The following SLC6A20 variants were observed in gnomAD, a reference collection of about 807,000 sequenced individuals.
SLC6A20 encodes solute carrier family 6 member 20.
SLC6A20 carries 73 observed loss-of-function variants against 64.3 expected under a neutral mutation model. The ratio of observed to expected loss-of-function variants is 1.14; its 90% confidence interval spans 0.94 to 1.38. The LOEUF is 1.38. SLC6A20 is among the 40% of genes most tolerant of loss of function. The pLI, the probability that SLC6A20 is intolerant of heterozygous loss-of-function variation, is 0.00. For synonymous variants in SLC6A20, 347 were observed against 329.6 expected (o/e 1.05, Z -0.57); for missense variants, 725 against 772.8 (o/e 0.94, Z 0.73).
At position 45,759,143 on chromosome 3, in the gene SLC6A20, G is replaced by C. The variant is rs747393844; in HGVS notation, c.1630-16C>G. On this transcript the variant is annotated splice_polypyrimidine_tract_variant and intron_variant, in intron 10 of 10. Coordinates refer to ENST00000358525, the MANE Select transcript of SLC6A20 (RefSeq NM_020208.4). Reference sequence around the variant, plus strand: ...CGAGCTGGCCCTGAAAGGAGAGACTGAGTGTCAGCAGAGAGCACCTGCTGA... The same window carrying C: ...CGAGCTGGCCCTGAAAGGAGAGACTCAGTGTCAGCAGAGAGCACCTGCTGA... The C allele has an allele frequency of 6.2e-7, 1 of 1,602,534 alleles. No individual in the cohort carries two copies. The highest frequency in any genetic ancestry group is 1.4e-5 in the African/African-American group (1 of 73,654).
Position 45,770,373 on chromosome 3 carries a change from T to C in SLC6A20, c.936-2A>G. 1 of 1,613,740 alleles carries C rather than the reference T, an allele frequency of 6.2e-7. No homozygotes were observed. Among genetic ancestry groups the C allele is most frequent in the Non-Finnish European group, 8.5e-7 (1 of 1,180,006 alleles). On this transcript the variant is annotated splice_acceptor_variant, in intron 6 of 10. Coordinates refer to ENST00000358525, the MANE Select transcript of SLC6A20 (RefSeq NM_020208.4). LOFTEE classifies it high-confidence loss of function. ...GTGTTGGTCAGCAGCAGACTCACCC[T>C]GCAGAGCAGACCATCGGATCGACCT...
At chr3:45,772,760 C>T (rs925254978) in intron 4 of SLC6A20, 145 bp from the exon 5 acceptor site, 6 of 684,872 alleles carry the variant, frequency 8.8e-6, no homozygotes, top group Non-Finnish European at 1.5e-5. Context: ...GATTCTTGGT[C>T]ACACACAGGC....
Position 45,758,736 on chromosome 3 carries a change from C to G in SLC6A20, c.*242G>C. 7.8e-7 allele frequency: 1 copy of G among 1,281,690 alleles called. No homozygotes were observed. The highest frequency in any genetic ancestry group is 2.5e-5 in the South Asian group (1 of 39,464). The allele number at this position is 1,281,690 out of a possible 1,614,324, so 79.4% of individuals were successfully genotyped here. ...TGAAGGATGCAGTTATCTTTGAGAC[C>G]GGCTTTCATAGCCCACCCCCTTCCA... On this transcript the variant is annotated 3_prime_UTR_variant, in exon 11 of 11. Transcript: ENST00000358525.
Position 45,780,019 on chromosome 3 carries a change from T to C in SLC6A20, c.344A>G (p.His115Arg). ...GGCCCCCCGGCTCACCTGGAAGGAG[T>C]GGAAGAGGTACCAGAAGGCCCAGGC... Reference protein sequence around the residue: ...INAWAFWYLFHSFQDPLPWSV... With the variant: ...INAWAFWYLFRSFQDPLPWSV... Residue 115 changes from histidine (H) to arginine (R), a missense_variant, in exon 3 of 11, where the codon CAC becomes CGC. Coordinates refer to ENST00000358525, the MANE Select transcript of SLC6A20 (RefSeq NM_020208.4). The C allele has an allele frequency of 6.2e-7, 1 of 1,600,598 alleles. No homozygotes were observed. The highest frequency in any genetic ancestry group is 1.1e-5 in the South Asian group (1 of 88,488).
At position 45,765,406 on chromosome 3, in the gene SLC6A20, C is replaced by G. The variant is rs934176412; in HGVS notation, c.1303+131G>C. ...AGGTTGTGAGAAGACATGGCAGGAC[C>G]GTGGTGAGGTGGCTGCAACCCCCTG... On this transcript the variant is annotated intron_variant, in intron 8 of 10. Coordinates refer to ENST00000358525, the MANE Select transcript of SLC6A20 (RefSeq NM_020208.4). The surrounding 1 kb of genome is among the most constrained non-coding windows in gnomAD (Gnocchi z 4.2). 1 of 905,534 alleles carries G rather than the reference C, an allele frequency of 1.1e-6. No individual in the cohort carries two copies. The highest frequency in any genetic ancestry group is 1.7e-5 in the African/African-American group (1 of 60,582). The allele number at this position is 905,534 out of a possible 1,614,324, so 56.1% of individuals were successfully genotyped here.
rs765115314 is a variant in SLC6A20, at chr3:45,760,035, CAGGG to C, written c.1464-17_1464-14del. The C allele has an allele frequency of 3.7e-6, 6 of 1,603,404 alleles. No homozygotes were observed. In the South Asian group the frequency reaches 4.5e-5, roughly 12 times the overall value. ...GTCACTTTCAAATCTATTTGGAAAA[CAGGG>C]AGAGAAAGTCTGGATTAACCAGGCT... On this transcript the variant is annotated splice_polypyrimidine_tract_variant and intron_variant, in intron 9 of 10. Coordinates refer to ENST00000358525, the MANE Select transcript of SLC6A20 (RefSeq NM_020208.4).
At position 45,775,818 on chromosome 3, in the gene SLC6A20, G is replaced by A. The variant is rs755045285; in HGVS notation, c.525C>T (p.Leu175=). The A allele has an allele frequency of 1.1e-5, 17 of 1,613,956 alleles. No homozygotes were observed. The highest frequency in any genetic ancestry group is 1.4e-5 in the Non-Finnish European group (16 of 1,180,004). The change falls in exon 4 of 11, where the codon CTC becomes CTT. Residue 175 remains leucine, a synonymous_variant. Transcript: ENST00000358525. ...GVQWEPALCL[L]LAWLVVYLCI... is the part of the protein sequence containing the mutation. The stretch of plus-strand genomic sequence containing the variant: ...ACAGGTACACCACCAGCCAGGCCAG[G>A]AGGAGGCACAGCGCCGGCTCCCACT...
In SLC6A20 at chr3:45,765,563, CTGGAGA is replaced by C. The variant is rs1411071271; in HGVS notation, c.1271_1276del (p.Ile424_Ser425del). On this transcript the variant is annotated inframe_deletion, in exon 8 of 11. Coordinates refer to ENST00000358525, the MANE Select transcript of SLC6A20 (RefSeq NM_020208.4). This position sits in a 1 kb window ranked among gnomAD's most constrained non-coding sequence, Gnocchi z 4.2. ...TGAGATGGCCTCCTTGGGCAGGTGG[CTGGAGA>C]TGATCTTGCTGTCTGTCAGAGGGGT... 1 of 1,613,664 alleles carries C rather than the reference CTGGAGA, an allele frequency of 6.2e-7. No homozygotes were observed. The highest frequency in any genetic ancestry group is 1.3e-5 in the African/African-American group (1 of 74,908).
chr3:45,783,736 A>G (rs1480398264), intron 1 of SLC6A20, among the ~76,000 whole-genome samples: 1 of 152,240 alleles, frequency 6.6e-6, no homozygotes, highest in African/African-American at 2.4e-5. Flanking sequence ...GCATGGGTGG[A>G]TGAGTGCCCA....
chr3:45,770,103 T>C (rs1699834803), intron 7 of SLC6A20, 106 bp downstream of exon 7: 1 of 1,450,566 alleles, frequency 6.9e-7, no homozygotes, highest in Non-Finnish European at 9.4e-7. Context: ...TTCAGGATCC[T>C]TCTTTATTTT....
chr3:45,779,845 C>T (rs113010349), intron 3 of SLC6A20, among the ~76,000 whole-genome samples, 164 bp downstream of exon 3: 272 of 152,360 alleles, frequency 1.8e-3, no homozygotes, highest in African/African-American at 5.8e-3. Context: ...AAGCCCTTCA[C>T]GTGGTTTGGG....
At chr3:45,768,833 T>C (rs1305288969) in intron 7 of SLC6A20, among the ~76,000 whole-genome samples, 1 of 152,206 alleles carries the variant, frequency 6.6e-6, no homozygotes, top group Non-Finnish European at 1.5e-5. Flanking sequence ...GAATAATCTC[T>C]AGAAGTATTT....
At chr3:45,781,989 C>A in intron 2 of SLC6A20, 94 bp downstream of exon 2, 1 of 1,436,296 alleles carries the variant, frequency 7.0e-7, no homozygotes, top group Non-Finnish European at 9.2e-7. Flanking sequence ...TTGTGCTCGC[C>A]CCTTGATCCA....
Position 45,759,268 on chromosome 3 carries a change from C to A in SLC6A20, c.1630-141G>T, listed in dbSNP as rs1002209770. 5 of 813,634 alleles carry A rather than the reference C, an allele frequency of 6.1e-6. No homozygotes were observed. In the African/African-American group the frequency reaches 8.8e-5, roughly 14 times the overall value. The allele number at this position is 813,634 out of a possible 1,614,324, so 50.4% of individuals were successfully genotyped here. A position where few individuals can be genotyped will look rare whatever the true frequency, so the allele number is the denominator to read the frequency against. ...GTGTCCTCACTCCTGGGGCCACGGGCTCTGCAATTCACTAGCAAATGTGCC... is the reference window on the plus strand; with the variant it reads ...GTGTCCTCACTCCTGGGGCCACGGGATCTGCAATTCACTAGCAAATGTGCC... On this transcript the variant is annotated intron_variant, in intron 10 of 10. Transcript: ENST00000358525.
chr3:45,765,826 C>T lies in SLC6A20; in HGVS notation c.1099-85G>A. ...ACTCAGTACTAAGCAACATGGGGGA[C>T]CTTGGAAGTGGCCATGAGAAGCCAC... On this transcript the variant is annotated intron_variant, in intron 7 of 10. Transcript: ENST00000358525. This position sits in a 1 kb window ranked among gnomAD's most constrained non-coding sequence, Gnocchi z 4.2. The T allele has an allele frequency of 1.4e-5, 21 of 1,456,004 alleles. No homozygotes were observed. The highest frequency in any genetic ancestry group is 1.8e-5 in the Non-Finnish European group (19 of 1,054,726). 90.2% of individuals were successfully genotyped at this position (1,456,004 alleles called of 1,614,324 possible).
chr3:45,769,130 G>T (rs909630369), intron 7 of SLC6A20, among the ~76,000 whole-genome samples: 4 of 151,670 alleles, frequency 2.6e-5, no homozygotes, highest in African/African-American at 9.7e-5. Flanking sequence ...GAAATGAGGG[G>T]AAAAAACACC....
chr3:45,777,399 T>C (rs1699988484), intron 3 of SLC6A20, among the ~76,000 whole-genome samples: 1 of 152,186 alleles, frequency 6.6e-6, no homozygotes, highest in Non-Finnish European at 1.5e-5. Context: ...TGTTCAAAGC[T>C]GGCCACCAAC....
At chr3:45,791,010 A>G (rs1375076733) in intron 1 of SLC6A20, among the ~76,000 whole-genome samples, 1 of 152,090 alleles carries the variant, frequency 6.6e-6, no homozygotes, top group Non-Finnish European at 1.5e-5. Flanking sequence ...CTTCTCTTTC[A>G]CAGCTGCTAT....
intron 1 of SLC6A20, among the ~76,000 whole-genome samples, chr3:45,786,065 C>T (rs1384635602): frequency 2.0e-5 from 3 of 152,200 alleles, no homozygotes; most frequent in South Asian, 4.1e-4. Flanking sequence ...AGTAAAGGAA[C>T]AGCTCAGGCA....
Sources: allele counts gnomAD v4.1 joint callset (sites outside exome capture counted in the v4.1 genomes callset), GRCh38; gene constraint gnomAD v4.1.1; non-coding constraint Gnocchi (gnomAD v3.1); transcripts MANE v1.5; gene names NCBI Gene and HGNC (gene_info 2026-07-23, HGNC 2026-07-21).